Variants in PMM2 observed in about 807,000 individuals in gnomAD.
PMM2 encodes mannose-6-phosphate isomerase.
PMM2 carries 35 observed loss-of-function variants against 33.2 expected under a neutral mutation model. The observed-to-expected ratio is 1.06, with a 90% CI of 0.81 to 1.40. PMM2 has a LOEUF of 1.40. Ranked by LOEUF, PMM2 falls within the 40% of genes most tolerant of loss-of-function variation. The pLI is 0.00. For missense variants in PMM2, 386 were observed against 306.0 expected, an observed-to-expected ratio of 1.26 and a Z score of -1.95; for synonymous variants, 153 against 114.7, an observed-to-expected ratio of 1.33 and a Z score of -2.13.
intron 7 of PMM2, among the ~76,000 whole-genome samples, chr16:8,826,115 T>C (rs964000436): frequency 6.6e-6 from 1 of 152,236 alleles, no homozygotes; most frequent in African/African-American, 2.4e-5. Flanking sequence ...ATGCTTTTAA[T>C]ATTTAATTTA....
At chr16:8,840,180 G>A (rs1312978353) in intron 7 of PMM2, among the ~76,000 whole-genome samples, 7 of 151,776 alleles carry the variant, frequency 4.6e-5, no homozygotes, top group African/African-American at 1.7e-4. Flanking sequence ...ATAGTGTGGT[G>A]GAGATAGCTG....
At position 8,848,968 on chromosome 16, in the gene PMM2, C is replaced by G. The variant is rs1035157460; in HGVS notation, c.*1143C>G. Reference sequence around the variant, plus strand: ...TTCCTAGGAAACGGTTCATGTGTCACTTTTCAGGATGTGGAAACACTGAGC... The same window carrying G: ...TTCCTAGGAAACGGTTCATGTGTCAGTTTTCAGGATGTGGAAACACTGAGC... On this transcript the variant is annotated 3_prime_UTR_variant, in exon 8 of 8. Transcript: ENST00000268261. 1 of 152,258 alleles carries G rather than the reference C, an allele frequency of 6.6e-6. No homozygotes were observed. Among genetic ancestry groups the G allele is most frequent in the Non-Finnish European group, 1.5e-5 (1 of 68,056 alleles). 9.4% of individuals were successfully genotyped at this position (152,258 alleles called of 1,614,324 possible). A position where few individuals can be genotyped will look rare whatever the true frequency, so the allele number is the denominator to read the frequency against.
chr16:8,831,958 C>CT (rs1318011936), intron 7 of PMM2, among the ~76,000 whole-genome samples: 1 of 152,132 alleles, frequency 6.6e-6, no homozygotes, highest in Non-Finnish European at 1.5e-5. Flanking sequence ...GGTTTTTGTT[C>CT]TTGGAGCTTG....
At chr16:8,832,968 C>T in intron 7 of PMM2, 2 of 941,966 alleles carry the variant, frequency 2.1e-6, no homozygotes, top group African/African-American at 1.8e-5. Flanking sequence ...CTGGTCTCCC[C>T]AGGGCAGCTG....
chr16:8,806,271 A>T (rs1384036779), intron 3 of PMM2, 45 bp from the exon 4 acceptor site: 1 of 1,299,396 alleles, frequency 7.7e-7, no homozygotes, highest in Admixed American at 1.7e-5. Flanking sequence ...CTGTTTTGAA[A>T]ATGCTCCTGC....
chr16:8,809,368 T>C (rs2060665084), intron 4 of PMM2: 1 of 152,254 alleles, frequency 6.6e-6, no homozygotes, highest in Admixed American at 6.5e-5. Context: ...TTAAATTTCA[T>C]TGGTCAGAAT....
At position 8,847,815 on chromosome 16, in the gene PMM2, TG is replaced by T. The variant is rs967224282; in HGVS notation, c.732del (p.Phe245SerfsTer88). On this transcript the variant is annotated frameshift_variant, in exon 8 of 8. Transcript: ENST00000268261. LOFTEE classifies it high-confidence loss of function. ...PEDTRRICEL[L>X]FS ...GACACGCGCAGGATCTGTGAACTGC[TG>T]TTCTCCTAACGTGGGAGCGGGAGGG... 6.2e-7 allele frequency: 1 copy of T among 1,612,656 alleles called. No individual in the cohort carries two copies. The highest frequency in any genetic ancestry group is 8.5e-7 in the Non-Finnish European group (1 of 1,178,926).
chr16:8,797,997 G>A lies in PMM2; in HGVS notation c.66+49G>A, dbSNP rs1037147648. 7 of 1,546,230 alleles carry A rather than the reference G, an allele frequency of 4.5e-6. 1 individual carries two copies. In the South Asian group the frequency reaches 4.7e-5, roughly 10 times the overall value. On this transcript the variant is annotated intron_variant, in intron 1 of 7. Transcript: ENST00000268261. ...TGGCAGCCGACGCGGAGCCCGTGCT[G>A]TTCCCAGTTGGGGCTATCGACCACC...
intron 7 of PMM2, among the ~76,000 whole-genome samples, chr16:8,843,521 A>G (rs56114823): frequency 0.42 from 63,030 of 151,304 alleles, 13,450 homozygotes; most frequent in Non-Finnish European, 0.47. Flanking sequence ...TGGCCCTGGT[A>G]GTCAGATTTC....
intron 7 of PMM2, among the ~76,000 whole-genome samples, chr16:8,841,960 A>G (rs1182507634): frequency 7.1e-3 from 890 of 125,894 alleles, no homozygotes; most frequent in South Asian, 8.6e-3. Context: ...TGAGTTGAGC[A>G]TAGTTTGTGA....
chr16:8,821,361 C>T (rs1170901503), intron 7 of PMM2, among the ~76,000 whole-genome samples: 1 of 152,196 alleles, frequency 6.6e-6, no homozygotes, highest in Non-Finnish European at 1.5e-5. Context: ...TGCTAGCCCA[C>T]CTTCCTCCTG....
chr16:8,843,584 G>A (rs1294796822), intron 7 of PMM2, among the ~76,000 whole-genome samples: 12 of 152,150 alleles, frequency 7.9e-5, no homozygotes, highest in East Asian at 3.8e-4. Context: ...ACGCCTGGCC[G>A]CTGCGGTTCA....
chr16:8,842,713 C>T (rs185535254), intron 7 of PMM2, among the ~76,000 whole-genome samples: 4 of 152,270 alleles, frequency 2.6e-5, no homozygotes, highest in African/African-American at 4.8e-5. Context: ...AAGACTTGTC[C>T]GGTTTCTGGA....
chr16:8,808,880 A>G (rs1335152403), intron 4 of PMM2: 1 of 152,242 alleles, frequency 6.6e-6, no homozygotes, highest in Admixed American at 6.5e-5. Context: ...GGGATTATTG[A>G]GAGAGATTTT....
intron 1 of PMM2, among the ~76,000 whole-genome samples, chr16:8,801,292 A>G (rs1206440587): frequency 6.6e-6 from 1 of 152,242 alleles, no homozygotes; most frequent in South Asian, 2.1e-4. Flanking sequence ...TAAAAATAAC[A>G]CTTAAGTTTA....
intron 1 of PMM2, 135 bp from the exon 2 acceptor site, chr16:8,801,664 C>T: frequency 1.8e-6 from 1 of 549,582 alleles, no homozygotes; most frequent in Non-Finnish European, 3.3e-6. Flanking sequence ...AAGTGAGACC[C>T]TATCTCAAAA....
At chr16:8,798,600 G>A (rs899719689) in intron 1 of PMM2, among the ~76,000 whole-genome samples, 1 of 152,212 alleles carries the variant, frequency 6.6e-6, no homozygotes, top group East Asian at 1.9e-4. Context: ...ATGGACTAGG[G>A]AGATGGAGGA....
At chr16:8,827,523 G>A (rs1358578871) in intron 7 of PMM2, among the ~76,000 whole-genome samples, 6 of 149,820 alleles carry the variant, frequency 4.0e-5, no homozygotes, top group Non-Finnish European at 8.9e-5. Flanking sequence ...AGCCTCCCGA[G>A]TAGCTGGGAC....
chr16:8,838,981 G>A (rs1201660340), intron 7 of PMM2, among the ~76,000 whole-genome samples: 2 of 151,980 alleles, frequency 1.3e-5, no homozygotes, highest in Admixed American at 1.3e-4. Flanking sequence ...GTCAACTTGG[G>A]CCTGGAGGAC....
Sources: allele counts gnomAD v4.1 joint callset (sites outside exome capture counted in the v4.1 genomes callset), GRCh38; gene constraint gnomAD v4.1.1; transcripts MANE v1.5; gene names NCBI Gene and HGNC (gene_info 2026-07-23, HGNC 2026-07-21).